The following CTTNBP2 variants were observed in gnomAD, a reference collection of about 807,000 sequenced individuals.
CTTNBP2 encodes the protein cortactin binding protein 2.
A neutral mutation model predicts 156.9 loss-of-function variants in CTTNBP2; 108 were observed. That is an observed-to-expected ratio of 0.69 (90% confidence interval 0.59 to 0.81). CTTNBP2 has a LOEUF of 0.81. CTTNBP2 is among the 30% of genes least tolerant of loss of function. CTTNBP2 has a pLI of 0.00. For synonymous variants in CTTNBP2, 767 were observed against 751.8 expected (o/e 1.02, Z -0.33); for missense variants, 1,924 against 2,035.4 (o/e 0.95, Z 1.05).
chr7:117,759,378 C>G (rs1157694416), intron 10 of CTTNBP2, among the ~76,000 whole-genome samples: 1 of 152,160 alleles, frequency 6.6e-6, no homozygotes, highest in African/African-American at 2.4e-5. Context: ...TCCCAAAGCA[C>G]TTGGATTATA....
At chr7:117,727,087 AGT>A (rs1278738930) in intron 17 of CTTNBP2, among the ~76,000 whole-genome samples, 4 of 152,216 alleles carry the variant, frequency 2.6e-5, no homozygotes, top group African/African-American at 7.2e-5. Context: ...TATATCAATA[AGT>A]GTATTTATTT....
At chr7:117,857,262 T>C (rs1803394440) in intron 2 of CTTNBP2, among the ~76,000 whole-genome samples, 1 of 152,184 alleles carries the variant, frequency 6.6e-6, no homozygotes, top group Non-Finnish European at 1.5e-5. Context: ...CAATTCAGAT[T>C]TTTCCATCAA....
In CTTNBP2 at chr7:117,735,054, C is replaced by T. The variant is rs761131670; in HGVS notation, c.3735G>A (p.Leu1245=). 1 of 1,614,148 alleles carries T rather than the reference C, an allele frequency of 6.2e-7. No individual in the cohort carries two copies. Reference sequence around the variant, plus strand: ...GACAGGCCTTGGCGATGGTTCCCATCAGAAAGCAGTTCTCATGAAAGTAAT... The same window carrying T: ...GACAGGCCTTGGCGATGGTTCCCATTAGAAAGCAGTTCTCATGAAAGTAAT... ...ECYYFHENCF[L]MGTIAKACLQ... The change falls in exon 16 of 23, where the codon CTG becomes CTA. Residue 1245 remains leucine (L), a synonymous_variant. Coordinates refer to ENST00000160373, the MANE Select transcript of CTTNBP2 (RefSeq NM_033427.3).
chr7:117,779,051 C>T (rs1198251270), intron 7 of CTTNBP2, among the ~76,000 whole-genome samples: 2 of 152,126 alleles, frequency 1.3e-5, no homozygotes, highest in Non-Finnish European at 2.9e-5. Flanking sequence ...TTTGGTATCT[C>T]ATACCAATAA....
chr7:117,753,393 C>T (rs1220881156), intron 12 of CTTNBP2, among the ~76,000 whole-genome samples: 2 of 152,160 alleles, frequency 1.3e-5, no homozygotes, highest in Non-Finnish European at 2.9e-5. Context: ...ACCCAGCAAT[C>T]CCATTACTGC....
chr7:117,712,052 G>T (rs1794090826), intron 22 of CTTNBP2, among the ~76,000 whole-genome samples: 1 of 152,174 alleles, frequency 6.6e-6, no homozygotes, highest in Non-Finnish European at 1.5e-5. Context: ...CTTACCAACA[G>T]AAACTTCACA....
chr7:117,794,869 A>ATCTTTTTTTTTTTTTTT (rs1563015492), intron 3 of CTTNBP2, among the ~76,000 whole-genome samples: 1 of 124,352 alleles, frequency 8.0e-6, no homozygotes. Flanking sequence ...CTGTTTTTAT[A>ATCTTTTTTTTTTTTTTT]TGTATATCTT....
At chr7:117,804,558 C>T (rs963914331) in intron 3 of CTTNBP2, among the ~76,000 whole-genome samples, 61 of 152,222 alleles carry the variant, frequency 4.0e-4, no homozygotes, top group African/African-American at 1.3e-3. Flanking sequence ...AAGAAAATGT[C>T]GTACATATAC....
intron 2 of CTTNBP2, among the ~76,000 whole-genome samples, chr7:117,840,371 A>G (rs79485429): frequency 6.6e-6 from 1 of 151,988 alleles, no homozygotes; most frequent in African/African-American, 2.4e-5. Flanking sequence ...AAAAAAAAAA[A>G]TTCTAAATTA....
chr7:117,806,799 C>T (rs1204187861), intron 3 of CTTNBP2, among the ~76,000 whole-genome samples: 1 of 148,472 alleles, frequency 6.7e-6, no homozygotes, highest in Non-Finnish European at 1.5e-5. Context: ...CGCTCTGTTG[C>T]CCAGGCTGGA....
chr7:117,779,095 C>T (rs769039461), intron 7 of CTTNBP2, among the ~76,000 whole-genome samples: 57 of 152,184 alleles, frequency 3.7e-4, no homozygotes, highest in Admixed American at 2.2e-3. Context: ...AATGGTGCTC[C>T]AATCAGGTAA....
intron 9 of CTTNBP2, among the ~76,000 whole-genome samples, chr7:117,764,197 A>C (rs1466542280): frequency 2.0e-5 from 3 of 152,130 alleles, no homozygotes; most frequent in Non-Finnish European, 4.4e-5. Context: ...TTCCTCACTT[A>C]CAATCGTTCA....
At chr7:117,769,250 C>CA (rs1344899620) in intron 8 of CTTNBP2, among the ~76,000 whole-genome samples, 1 of 152,080 alleles carries the variant, frequency 6.6e-6, no homozygotes, top group Admixed American at 6.6e-5. Flanking sequence ...CCCTAAGGGC[C>CA]AGAAAGAAAA....
chr7:117,739,390 C>T (rs1795875261), intron 14 of CTTNBP2, among the ~76,000 whole-genome samples: 1 of 152,166 alleles, frequency 6.6e-6, no homozygotes, highest in Non-Finnish European at 1.5e-5. Context: ...TTTGAATTCC[C>T]TTTGCTCTGT....
intron 4 of CTTNBP2, among the ~76,000 whole-genome samples, chr7:117,787,868 T>C (rs1310850763): frequency 2.6e-5 from 4 of 152,232 alleles, no homozygotes; most frequent in African/African-American, 9.6e-5. Context: ...CACAGGATTC[T>C]AGAGTTGGAA....
intron 9 of CTTNBP2, among the ~76,000 whole-genome samples, chr7:117,763,792 A>T (rs561177368): frequency 6.6e-6 from 1 of 151,874 alleles, no homozygotes; most frequent in South Asian, 2.1e-4. Flanking sequence ...ACTGGTCTTG[A>T]ACTCCTGGGC....
intron 14 of CTTNBP2, among the ~76,000 whole-genome samples, chr7:117,739,092 A>G (rs1480057513): frequency 6.6e-6 from 1 of 152,168 alleles, no homozygotes; most frequent in Non-Finnish European, 1.5e-5. Flanking sequence ...TCATTGCCTC[A>G]GTTTTTCATT....
At chr7:117,819,651 A>C (rs957575635) in intron 2 of CTTNBP2, among the ~76,000 whole-genome samples, 4 of 152,146 alleles carry the variant, frequency 2.6e-5, no homozygotes, top group Admixed American at 6.6e-5. Flanking sequence ...TGAGCCACAG[A>C]AGTGAAGGAG....
intron 2 of CTTNBP2, among the ~76,000 whole-genome samples, chr7:117,820,838 A>C (rs1800919070): frequency 6.6e-6 from 1 of 152,142 alleles, no homozygotes. Context: ...TTTCCACATA[A>C]ATTTTAGAAT....
Sources: allele counts gnomAD v4.1 joint callset (sites outside exome capture counted in the v4.1 genomes callset), GRCh38; gene constraint gnomAD v4.1.1; transcripts MANE v1.5; gene names NCBI Gene and HGNC (gene_info 2026-07-23, HGNC 2026-07-21).